Variants in PRKG1 observed in about 807,000 individuals in gnomAD.
The protein encoded by PRKG1 is protein kinase cGMP-dependent 1, also known as cGMP-dependent protein kinase 1.
PRKG1 carries 35 observed loss-of-function variants against 88.1 expected under a neutral mutation model. That is an observed-to-expected ratio of 0.40 (90% CI 0.30 to 0.53). The LOEUF (loss-of-function observed/expected upper bound fraction) is 0.53. Ranked by LOEUF, PRKG1 falls within the 20% of genes least tolerant of loss-of-function variation. PRKG1 has a pLI of 0.59. For synonymous variants in PRKG1, 303 were observed against 292.5 expected (o/e 1.04, Z -0.37); for missense variants, 540 against 839.8 (o/e 0.64, Z 4.41).
intron 3 of PRKG1, among the ~76,000 whole-genome samples, chr10:51,537,988 T>A (rs1842199747): frequency 6.6e-6 from 1 of 152,224 alleles, no homozygotes; most frequent in Non-Finnish European, 1.5e-5. Flanking sequence ...TCTGCTTTAA[T>A]GTCTTCATTT....
In PRKG1 at chr10:51,068,167, C is replaced by T. The variant is rs544440342; in HGVS notation, c.266+76523C>T. On this transcript the variant is annotated intron_variant, in intron 1 of 17. Coordinates refer to the PRKG1 transcript ENST00000401604. ...CTAGCCTACTATTTCATTTGCCTGTCGTTAGAAAAGTGGATTTCTGGATTT... is the reference window on the plus strand; with the variant it reads ...CTAGCCTACTATTTCATTTGCCTGTTGTTAGAAAAGTGGATTTCTGGATTT... 2.0e-5 allele frequency among the ~76,000 whole-genome samples: 3 copies of T among 152,026 alleles called. No homozygotes were observed. The East Asian group carries it at 5.8e-4, about 29-fold the overall frequency.
At chr10:51,281,365 G>A (rs1029948812) in intron 2 of PRKG1, among the ~76,000 whole-genome samples, 3 of 152,176 alleles carry the variant, frequency 2.0e-5, no homozygotes, top group African/African-American at 7.2e-5. Flanking sequence ...TCCATACTGG[G>A]AGAACCACTA....
At chr10:51,997,960 T>C (rs1458605109) in intron 5 of PRKG1, among the ~76,000 whole-genome samples, 1 of 152,144 alleles carries the variant, frequency 6.6e-6, no homozygotes, top group African/African-American at 2.4e-5. Context: ...CAAGCATCTT[T>C]TCCTCTTTTC....
intron 9 of PRKG1, among the ~76,000 whole-genome samples, chr10:52,170,739 T>G (rs1410888687): frequency 6.6e-6 from 1 of 152,248 alleles, no homozygotes; most frequent in Non-Finnish European, 1.5e-5. Flanking sequence ...GACTGTCTGA[T>G]ATTTTCAGGA....
At chr10:51,259,309 A>T (rs1468305620) in intron 2 of PRKG1, among the ~76,000 whole-genome samples, 1 of 152,152 alleles carries the variant, frequency 6.6e-6, no homozygotes, top group South Asian at 2.1e-4. Context: ...TATCTCAAGG[A>T]TGTATTTTTT....
intron 5 of PRKG1, among the ~76,000 whole-genome samples, chr10:52,045,892 G>T (rs79118380): frequency 0.014 from 2,165 of 152,032 alleles, 47 homozygotes; most frequent in African/African-American, 0.049. Flanking sequence ...GAGGAGAAAG[G>T]CTCTGACTGT....
At chr10:50,992,026 T>C (rs957845326) in intron 1 of PRKG1, among the ~76,000 whole-genome samples, 1 of 151,972 alleles carries the variant, frequency 6.6e-6, no homozygotes, top group African/African-American at 2.4e-5. Flanking sequence ...ACCCTGCCCA[T>C]CCAGGGGCCT....
intron 1 of PRKG1, among the ~76,000 whole-genome samples, chr10:51,083,980 A>G (rs914936738): frequency 1.3e-5 from 2 of 152,224 alleles, no homozygotes; most frequent in Admixed American, 6.5e-5. Context: ...TAGCTAATAT[A>G]ATTGCAAATA....
intron 4 of PRKG1, among the ~76,000 whole-genome samples, chr10:51,875,195 G>A (rs1325258745): frequency 6.6e-6 from 1 of 151,938 alleles, no homozygotes; most frequent in Non-Finnish European, 1.5e-5. Context: ...ACCTGAATTA[G>A]GTAAGTGTTG....
intron 4 of PRKG1, among the ~76,000 whole-genome samples, chr10:51,887,122 G>A (rs897493284): frequency 8.5e-5 from 13 of 152,112 alleles, no homozygotes; most frequent in Admixed American, 3.3e-4. Context: ...AGTAGCTGGC[G>A]CTACAGGCAT....
intron 5 of PRKG1, among the ~76,000 whole-genome samples, chr10:52,041,230 AT>A (rs1845749311): frequency 6.6e-6 from 1 of 152,302 alleles, no homozygotes. Context: ...GTTTATTGAA[AT>A]GATCACATGG....
intron 1 of PRKG1, among the ~76,000 whole-genome samples, chr10:51,083,395 C>T (rs1844163580): frequency 6.6e-6 from 1 of 152,188 alleles, no homozygotes; most frequent in Non-Finnish European, 1.5e-5. Flanking sequence ...TTCTTTGGGT[C>T]CCAGCTCCTG....
chr10:52,116,289 A>G (rs142731880), intron 7 of PRKG1, among the ~76,000 whole-genome samples: 488 of 152,302 alleles, frequency 3.2e-3, no homozygotes, highest in Non-Finnish European at 5.4e-3. Context: ...TGTAACTACA[A>G]AGAACACACT....
At chr10:51,699,625 C>A in intron 3 of PRKG1, 1 of 1,501,270 alleles carries the variant, frequency 6.7e-7, no homozygotes, top group Non-Finnish European at 9.0e-7. Context: ...TTCCGCTGAG[C>A]AACGGAAGCG....
intron 3 of PRKG1, among the ~76,000 whole-genome samples, chr10:51,701,908 G>A (rs562521558): frequency 6.6e-6 from 1 of 152,224 alleles, no homozygotes; most frequent in South Asian, 2.1e-4. Flanking sequence ...GCTTTATCAG[G>A]TCTGGAGAAT....
intron 2 of PRKG1, among the ~76,000 whole-genome samples, chr10:51,205,798 T>G (rs1838044556): frequency 6.6e-6 from 1 of 152,176 alleles, no homozygotes; most frequent in South Asian, 2.1e-4. Context: ...CCTCCCAAAG[T>G]GCTGGGATTA....
At chr10:51,158,912 A>C (rs1271302277) in intron 2 of PRKG1, among the ~76,000 whole-genome samples, 2 of 151,658 alleles carry the variant, frequency 1.3e-5, no homozygotes, top group Non-Finnish European at 2.9e-5. Flanking sequence ...TTATGTGATT[A>C]TTCACATCTA....
At chr10:51,663,579 T>C (rs1043321177) in intron 3 of PRKG1, among the ~76,000 whole-genome samples, 28 of 151,536 alleles carry the variant, frequency 1.8e-4, no homozygotes, top group African/African-American at 6.8e-4. Flanking sequence ...TAGCTGAGTG[T>C]TGTGGCACAT....
At chr10:51,643,948 C>T (rs1462544293) in intron 3 of PRKG1, among the ~76,000 whole-genome samples, 3 of 152,252 alleles carry the variant, frequency 2.0e-5, no homozygotes, top group African/African-American at 4.8e-5. Flanking sequence ...AGCCTTTCCC[C>T]GACTTCTCAT....
Sources: gnomAD v4.1 joint callset for allele counts (sites outside exome capture counted in the v4.1 genomes callset) on GRCh38, gnomAD v4.1.1 for gene constraint, MANE v1.5 for transcripts, NCBI Gene and HGNC (gene_info 2026-07-23, HGNC 2026-07-21) for gene names.